Variants in AKT3 observed in about 807,000 individuals in gnomAD.
The protein encoded by AKT3 is AKT serine/threonine kinase 3.
Under a neutral mutation model 65.3 loss-of-function variants are expected in AKT3, and 15 were observed. That is an observed-to-expected ratio of 0.23 (90% CI 0.15 to 0.35). AKT3 has a LOEUF of 0.35. Ranked by LOEUF, AKT3 falls within the 10% of genes least tolerant of loss-of-function variation. The probability of loss-of-function intolerance (pLI) is 1.00; values close to 1 mark genes in which losing one functional copy is unlikely to be tolerated. For synonymous variants in AKT3, 206 were observed against 183.8 expected (o/e 1.12, Z -0.98); for missense variants, 243 against 576.5 (o/e 0.42, Z 5.92).
intron 8 of AKT3, among the ~76,000 whole-genome samples, chr1:243,582,010 G>A (rs1675400339): frequency 6.6e-6 from 1 of 151,686 alleles, no homozygotes; most frequent in African/African-American, 2.4e-5. Flanking sequence ...CTGAAGACCA[G>A]TATTTTAAAC....
At chr1:243,603,634 C>T (rs1018919425) in intron 8 of AKT3, among the ~76,000 whole-genome samples, 4 of 152,070 alleles carry the variant, frequency 2.6e-5, no homozygotes, top group African/African-American at 9.7e-5. Flanking sequence ...CTCATGATGC[C>T]TATTTGTATC....
At chr1:243,743,493 AG>A (rs937225327) in intron 2 of AKT3, among the ~76,000 whole-genome samples, 1 of 152,240 alleles carries the variant, frequency 6.6e-6, no homozygotes, top group Non-Finnish European at 1.5e-5. Flanking sequence ...AGTTTTATTA[AG>A]GAAAAAAATA....
At chr1:243,605,651 A>T (rs565416589) in intron 8 of AKT3, among the ~76,000 whole-genome samples, 3 of 152,124 alleles carry the variant, frequency 2.0e-5, no homozygotes, top group Admixed American at 2.0e-4. Context: ...CCATTGTACC[A>T]ATACGACCGT....
intron 2 of AKT3, among the ~76,000 whole-genome samples, chr1:243,840,364 C>T (rs1303072609): frequency 6.6e-6 from 1 of 150,392 alleles, no homozygotes; most frequent in African/African-American, 2.5e-5. Context: ...GGGTGGGGGG[C>T]AAGGTAAGGG....
intron 3 of AKT3, among the ~76,000 whole-genome samples, chr1:243,671,078 CTTTT>C (rs569050061): frequency 2.2e-5 from 3 of 137,196 alleles, no homozygotes; most frequent in Non-Finnish European, 3.2e-5. Context: ...TAATAGATTC[CTTTT>C]TTTTTTTTTT....
chr1:243,569,460 G>T (rs1368490561), intron 9 of AKT3, among the ~76,000 whole-genome samples: 1 of 152,194 alleles, frequency 6.6e-6, no homozygotes, highest in African/African-American at 2.4e-5. Flanking sequence ...GGGAGCTGGG[G>T]AAAGTGTCTT....
chr1:243,707,673 C>A (rs1055112716), intron 2 of AKT3, among the ~76,000 whole-genome samples: 1 of 152,068 alleles, frequency 6.6e-6, no homozygotes, highest in Admixed American at 6.6e-5. Flanking sequence ...CAGCATGATG[C>A]TGAACACCTC....
intron 11 of AKT3, among the ~76,000 whole-genome samples, chr1:243,548,615 A>C (rs1672834465): frequency 6.6e-6 from 1 of 152,212 alleles, no homozygotes; most frequent in South Asian, 2.1e-4. Context: ...CTTTGAAGTA[A>C]GATATTTATG....
intron 3 of AKT3, among the ~76,000 whole-genome samples, chr1:243,688,826 CT>C (rs576896893): frequency 1.0e-4 from 15 of 149,426 alleles, no homozygotes; most frequent in African/African-American, 2.2e-4. Context: ...CTAATCTGAG[CT>C]TTTTTTTTTC....
At chr1:243,684,806 C>T (rs944453164) in intron 3 of AKT3, among the ~76,000 whole-genome samples, 2 of 152,196 alleles carry the variant, frequency 1.3e-5, no homozygotes, top group African/African-American at 4.8e-5. Context: ...TCTCCACATC[C>T]TCTTCAGCAT....
At chr1:243,760,159 G>A (rs558598254) in intron 2 of AKT3, among the ~76,000 whole-genome samples, 37 of 152,088 alleles carry the variant, frequency 2.4e-4, no homozygotes, top group Middle Eastern at 6.8e-3. Flanking sequence ...TCACTCTGTC[G>A]CCCAGACAGG....
At chr1:243,741,021 A>G (rs1688121248) in intron 2 of AKT3, among the ~76,000 whole-genome samples, 1 of 152,188 alleles carries the variant, frequency 6.6e-6, no homozygotes, top group Non-Finnish European at 1.5e-5. Context: ...ATACCTGGAA[A>G]TCTGATTTTT....
intron 6 of AKT3, among the ~76,000 whole-genome samples, chr1:243,615,704 A>G (rs1207338151): frequency 3.3e-5 from 5 of 152,042 alleles, no homozygotes; most frequent in African/African-American, 9.7e-5. Context: ...GTATAAAAAT[A>G]TATACCTTTC....
At chr1:243,703,760 C>CAA (rs370671685) in intron 2 of AKT3, among the ~76,000 whole-genome samples, 4,243 of 78,158 alleles carry the variant, frequency 0.054, 101 homozygotes, top group African/African-American at 0.099. Flanking sequence ...GACTCCATCT[C>CAA]AAAAAAAAAA....
chr1:243,772,875 A>G (rs926913708), intron 2 of AKT3, among the ~76,000 whole-genome samples: 9 of 152,198 alleles, frequency 5.9e-5, no homozygotes, highest in Non-Finnish European at 1.3e-4. Context: ...GGATGAGTTC[A>G]TGTCCTTTGT....
chr1:243,545,439 T>C, intron 12 of AKT3, 71 bp downstream of exon 12: 4 of 858,420 alleles, frequency 4.7e-6, no homozygotes, highest in Non-Finnish European at 7.6e-6. Context: ...TCACTTAAAA[T>C]ATTTTTGCTA....
intron 3 of AKT3, among the ~76,000 whole-genome samples, chr1:243,693,013 A>G (rs570991604): frequency 1.2e-4 from 18 of 151,780 alleles, no homozygotes; most frequent in Non-Finnish European, 2.2e-4. Context: ...AACAATGAGT[A>G]TAACACTATC....
chr1:243,702,817 G>A (rs767588964), intron 2 of AKT3: 3 of 152,074 alleles, frequency 2.0e-5, no homozygotes, highest in Non-Finnish European at 4.4e-5. Context: ...GGATATCAGA[G>A]GGGTAAACTA....
chr1:243,728,490 A>G (rs1479715120), intron 2 of AKT3, among the ~76,000 whole-genome samples: 1 of 152,208 alleles, frequency 6.6e-6, no homozygotes, highest in East Asian at 1.9e-4. Context: ...TAGTGCAAAG[A>G]GTACTGTGAA....
Sources: gnomAD v4.1 joint callset for allele counts (sites outside exome capture counted in the v4.1 genomes callset) on GRCh38, gnomAD v4.1.1 for gene constraint, MANE v1.5 for transcripts, NCBI Gene and HGNC (gene_info 2026-07-23, HGNC 2026-07-21) for gene names.